The following FBXL3 variants were observed in gnomAD, a reference collection of about 807,000 sequenced individuals.
The protein encoded by FBXL3 is F-box/LRR-repeat protein 3.
Under a neutral mutation model 37.9 loss-of-function variants are expected in FBXL3, and 14 were observed. The ratio of observed to expected loss-of-function variants is 0.37; its 90% CI spans 0.24 to 0.58. FBXL3 has a LOEUF of 0.58. Among genes scored for constraint, FBXL3 ranks in the 20% least tolerant of loss-of-function variants. The pLI, the probability that FBXL3 is intolerant of heterozygous loss-of-function variation, is 0.74. For missense variants in FBXL3, 327 were observed against 511.1 expected, an observed-to-expected ratio of 0.64 and a Z score of 3.47; for synonymous variants, 194 against 180.1, an observed-to-expected ratio of 1.08 and a Z score of -0.62.
At chr13:77,015,181 A>T in intron 4 of FBXL3, 1 of 320,982 alleles carries the variant, frequency 3.1e-6, no homozygotes. Flanking sequence ...ATTTTCTAGC[A>T]TGTGCTATTC....
intron 1 of FBXL3, among the ~76,000 whole-genome samples, chr13:77,022,219 G>A (rs954454732): frequency 2.0e-5 from 3 of 152,176 alleles, no homozygotes; most frequent in East Asian, 1.9e-4. Flanking sequence ...AACCTACAGC[G>A]ATACTTTGTA....
In FBXL3 at chr13:77,005,546, G is replaced by C. The variant is rs897514238; in HGVS notation, c.*1599C>G. ...AGCTTTTTACTATTTAGAAGGAGGG[G>C]ATATATTACTATAATTGCTGTTAAT... On this transcript the variant is annotated 3_prime_UTR_variant, in exon 5 of 5. Transcript: ENST00000355619. The C allele has an allele frequency of 6.6e-6, 1 of 152,380 alleles. No homozygotes were observed. The highest frequency in any genetic ancestry group is 1.5e-5 in the Non-Finnish European group (1 of 67,954). 9.4% of individuals were successfully genotyped at this position (152,380 alleles called of 1,614,324 possible). A position where few individuals can be genotyped will look rare whatever the true frequency, so the allele number is the denominator to read the frequency against.
intron 4 of FBXL3, 148 bp downstream of exon 4, chr13:77,015,261 T>G: frequency 2.1e-6 from 1 of 478,780 alleles, no homozygotes. Context: ...CTACAGAACT[T>G]ATGCTATTCT....
At chr13:77,013,308 CA>C (rs145222557) in intron 4 of FBXL3, 5,624 of 152,228 alleles carry the variant, frequency 0.037, 215 homozygotes, top group East Asian at 0.14. Context: ...CGCCGTTTCA[CA>C]AAAAGACCCC....
At chr13:77,017,062 A>G (rs571140885) in intron 3 of FBXL3, 45 of 89,328 alleles carry the variant, frequency 5.0e-4, no homozygotes, top group African/African-American at 1.2e-3. Flanking sequence ...CTGGACAAAA[A>G]CATTTCTTCT....
At position 77,015,484 on chromosome 13, in the gene FBXL3, T is replaced by C. The variant is rs770884350; in HGVS notation, c.568A>G (p.Lys190Glu). The C allele has an allele frequency of 2.5e-6, 4 of 1,608,630 alleles. No homozygotes were observed. In the East Asian group the frequency reaches 9.0e-5, roughly 36 times the overall value. Residue 190 changes from lysine to glutamate, a missense_variant, in exon 4 of 5, where the codon AAA becomes GAA. Physicochemically the swap from Lys to Glu is moderately conservative, Grantham distance 56. Transcript: ENST00000355619. ...TCACTATTGTTGGCCACTAGTACTT[T>C]GAGAGATGGATCATCTACTGGAGTA... The part of the protein sequence containing the change: ...DDTPVDDPSL[K>E]VLVANNSDTL...
At chr13:77,020,738 T>C (rs1241355303) in intron 2 of FBXL3, among the ~76,000 whole-genome samples, 1 of 152,122 alleles carries the variant, frequency 6.6e-6, no homozygotes, top group East Asian at 1.9e-4. Context: ...TGATTTTTTA[T>C]TTTTTTAAAT....
intron 2 of FBXL3, chr13:77,018,977 C>G (rs955813910): frequency 7.7e-5 from 23 of 299,628 alleles, no homozygotes; most frequent in Middle Eastern, 1.8e-3. Context: ...ATTGTCAAGA[C>G]AAGACCTAGC....
chr13:77,012,537 AATTAAT>A (rs2034572922), intron 4 of FBXL3, among the ~76,000 whole-genome samples: 4 of 152,202 alleles, frequency 2.6e-5, no homozygotes, highest in Non-Finnish European at 4.4e-5. Context: ...TCAACCTGAT[AATTAAT>A]ATTAAGGAAG....
intron 1 of FBXL3, among the ~76,000 whole-genome samples, chr13:77,023,420 G>A (rs1027208376): frequency 6.6e-6 from 1 of 152,116 alleles, no homozygotes; most frequent in Non-Finnish European, 1.5e-5. Context: ...ACACACCCTG[G>A]AAGTAGACTC....
intron 4 of FBXL3, chr13:77,013,914 G>T (rs1472383621): frequency 6.6e-6 from 1 of 152,136 alleles, no homozygotes; most frequent in Non-Finnish European, 1.5e-5. Context: ...AAAAATGAAT[G>T]AACACAGAAT....
At chr13:77,025,712 A>AAC (rs1423394279) in intron 1 of FBXL3, among the ~76,000 whole-genome samples, 1,885 of 147,062 alleles carry the variant, frequency 0.013, 33 homozygotes, top group Middle Eastern at 0.026. Context: ...AAAAAAAAAA[A>AAC]CTTTGAAAGA....
intron 2 of FBXL3, among the ~76,000 whole-genome samples, chr13:77,019,499 T>C (rs1008243446): frequency 6.6e-6 from 1 of 152,192 alleles, no homozygotes; most frequent in Non-Finnish European, 1.5e-5. Flanking sequence ...ATTGTAAAAC[T>C]AATGTGCTAA....
At chr13:77,024,222 C>G (rs533683367) in intron 1 of FBXL3, among the ~76,000 whole-genome samples, 8 of 152,168 alleles carry the variant, frequency 5.3e-5, no homozygotes, top group Non-Finnish European at 8.8e-5. Context: ...TGAGATAACA[C>G]TGTTATTATG....
intron 4 of FBXL3, 131 bp from the exon 5 acceptor site, chr13:77,007,919 A>G: frequency 1.5e-6 from 1 of 648,874 alleles, no homozygotes. Context: ...TAAAATGTGC[A>G]TAGTTGAATT....
At chr13:77,023,120 A>C (rs1396525389) in intron 1 of FBXL3, among the ~76,000 whole-genome samples, 1 of 152,154 alleles carries the variant, frequency 6.6e-6, no homozygotes. Flanking sequence ...GAAGGCAGAG[A>C]ATGATTCATT....
rs563349886 is a variant in FBXL3 at position 77,006,630 on chromosome 13, C to G, written c.*515G>C. The G allele has an allele frequency of 6.3e-4, 129 of 205,184 alleles. No homozygotes were observed. Among genetic ancestry groups the G allele is most frequent in the Non-Finnish European group, 1.0e-3 (116 of 115,580 alleles). 12.7% of individuals were successfully genotyped at this position (205,184 alleles called of 1,614,324 possible). A position where few individuals can be genotyped will look rare whatever the true frequency, so the allele number is the denominator to read the frequency against. On this transcript the variant is annotated 3_prime_UTR_variant, in exon 5 of 5. Coordinates refer to ENST00000355619, the MANE Select transcript of FBXL3 (RefSeq NM_012158.4). ...TATATATACCTTTTTCTTTAAACAG[C>G]TTTGTAACATTTGAGAACATTCATC...
In FBXL3 at chr13:77,007,124, G is replaced by C. The variant is rs1474826536; in HGVS notation, c.*21C>G. 4 of 1,572,682 alleles carry C rather than the reference G, an allele frequency of 2.5e-6. No homozygotes were observed. Among genetic ancestry groups the C allele is most frequent in the Non-Finnish European group, 3.5e-6 (4 of 1,159,124 alleles). On this transcript the variant is annotated 3_prime_UTR_variant, in exon 5 of 5. Transcript: ENST00000355619. ...TATAATACATTTGCTTGAAATTAAGGTGCTATTCATCATGCAGTTTTTACC... is the reference window on the plus strand; with the variant it reads ...TATAATACATTTGCTTGAAATTAAGCTGCTATTCATCATGCAGTTTTTACC...
chr13:77,025,941 G>A (rs1261681136), intron 1 of FBXL3, among the ~76,000 whole-genome samples: 5 of 151,758 alleles, frequency 3.3e-5, no homozygotes. Flanking sequence ...ACTATAAAGA[G>A]GTTAACTCAC....
Sources: gnomAD v4.1 joint callset for allele counts (sites outside exome capture counted in the v4.1 genomes callset) on GRCh38, gnomAD v4.1.1 for gene constraint, MANE v1.5 for transcripts, NCBI Gene and HGNC (gene_info 2026-07-23, HGNC 2026-07-21) for gene names.